SLTM: variants seen among roughly 807,000 people sequenced by gnomAD.
The protein encoded by SLTM is SAFB like transcription modulator.
SLTM carries 43 observed loss-of-function variants against 134.6 expected under a neutral mutation model. That is an observed-to-expected ratio of 0.32 (90% CI 0.25 to 0.41). SLTM has a LOEUF of 0.41. Among genes scored for constraint, SLTM ranks in the 10% least tolerant of loss-of-function variants. The pLI, the probability that SLTM is intolerant of heterozygous loss-of-function variation, is 1.00. For missense variants in SLTM, 1,055 were observed against 1,288.8 expected (o/e 0.82, Z 2.78); for synonymous variants, 424 against 432.3 (o/e 0.98, Z 0.24).
intron 6 of SLTM, 128 bp from the exon 7 acceptor site, chr15:58,900,065 A>G: frequency 2.9e-6 from 2 of 695,092 alleles, no homozygotes; most frequent in Non-Finnish European, 4.7e-6. Flanking sequence ...AGGGAAAAAA[A>G]AAAAAAACAC....
At chr15:58,890,525 T>G in intron 14 of SLTM, 64 bp from the exon 15 acceptor site, 1 of 1,470,642 alleles carries the variant, frequency 6.8e-7, no homozygotes. Flanking sequence ...GAGAATAGCT[T>G]TGAATTTGAA....
At chr15:58,891,308 C>T (rs912478532) in intron 14 of SLTM, among the ~76,000 whole-genome samples, 1 of 152,130 alleles carries the variant, frequency 6.6e-6, no homozygotes, top group Non-Finnish European at 1.5e-5. Flanking sequence ...CAACAAGAAC[C>T]ATCCAACACC....
intron 2 of SLTM, among the ~76,000 whole-genome samples, chr15:58,917,633 G>C (rs1046784695): frequency 6.6e-6 from 1 of 152,192 alleles, no homozygotes; most frequent in Non-Finnish European, 1.5e-5. Context: ...ACTGATTTAA[G>C]GCATGCAGAA....
At chr15:58,890,940 A>G in intron 14 of SLTM, among the ~76,000 whole-genome samples, 1 of 152,228 alleles carries the variant, frequency 6.6e-6, no homozygotes, top group South Asian at 2.1e-4. Context: ...ACTACATATA[A>G]CAAAATGGTG....
intron 3 of SLTM, among the ~76,000 whole-genome samples, chr15:58,916,321 G>A (rs2036647458): frequency 6.6e-6 from 1 of 152,096 alleles, no homozygotes; most frequent in African/African-American, 2.4e-5. Flanking sequence ...TTACAGGCAT[G>A]CGCCACCACA....
chr15:58,886,267 ATTTTT>A (rs1176538612), intron 19 of SLTM, among the ~76,000 whole-genome samples: 1 of 54,876 alleles, frequency 1.8e-5, no homozygotes, highest in Admixed American at 1.9e-4. Flanking sequence ...GTGTGTGTGT[ATTTTT>A]TTTTTTTTTT....
intron 5 of SLTM, among the ~76,000 whole-genome samples, chr15:58,906,748 TA>T (rs1385525667): frequency 6.6e-6 from 1 of 152,194 alleles, no homozygotes; most frequent in African/African-American, 2.4e-5. Context: ...GGCACATAAG[TA>T]CTCAAAAAAT....
rs867900599 is a variant in SLTM, at chr15:58,886,251, G to A, written c.2835+724C>T. Among the ~76,000 whole-genome samples the A allele has an allele frequency of 1.8e-4, 23 of 131,120 alleles. 1 individual carries two copies. The highest frequency in any genetic ancestry group is 3.4e-4 in the African/African-American group (11 of 32,520). The allele number at this position is 131,120 out of a possible 152,430, so 86.0% of individuals were successfully genotyped here. On this transcript the variant is annotated intron_variant, in intron 19 of 20. Transcript: ENST00000380516. ...TGTGTGTGTGTGTGTGTGTGTGTGT[G>A]TGTGTGTGTGTGTGTATTTTTTTTT...
chr15:58,897,012 G>A (rs2035129982), intron 9 of SLTM, 103 bp downstream of exon 9: 1 of 726,354 alleles, frequency 1.4e-6, no homozygotes, highest in Non-Finnish European at 2.4e-6. Context: ...AGTCCTAAGA[G>A]ATACAATAAA....
intron 2 of SLTM, chr15:58,921,479 G>A (rs11630160): frequency 0.21 from 52,679 of 252,284 alleles, 6,633 homozygotes; most frequent in South Asian, 0.4. Flanking sequence ...GGCAACAAGA[G>A]GCAGCACTGG....
Position 58,933,649 on chromosome 15 carries a change from GC to G in SLTM, c.-85del. On this transcript the variant is annotated 5_prime_UTR_variant, in exon 1 of 21. Coordinates refer to ENST00000380516, the MANE Select transcript of SLTM (RefSeq NM_024755.4). ...GCCAACTTCCACCCAGGCCTCGGCG[GC>G]CGCCGGCGCCGCGCAGCGCTGCGCA... The G allele has an allele frequency of 7.3e-7, 1 of 1,372,826 alleles. No homozygotes were observed. The highest frequency in any genetic ancestry group is 3.1e-5 in the East Asian group (1 of 32,614). 85.0% of individuals were successfully genotyped at this position (1,372,826 alleles called of 1,614,324 possible). A position where few individuals can be genotyped will look rare whatever the true frequency, so the allele number is the denominator to read the frequency against.
intron 5 of SLTM, among the ~76,000 whole-genome samples, chr15:58,911,664 G>A (rs2036275232): frequency 6.6e-6 from 1 of 152,098 alleles, no homozygotes; most frequent in African/African-American, 2.4e-5. Flanking sequence ...AAAAGACAAT[G>A]GATAATTTTT....
chr15:58,880,010 G>A lies in SLTM; in HGVS notation c.3094C>T (p.Arg1032Ter), dbSNP rs1231962572. 2.5e-6 allele frequency: 4 copies of A among 1,613,470 alleles called. No individual in the cohort carries two copies. The highest frequency in any genetic ancestry group is 1.3e-5 in the African/African-American group (1 of 74,880). The part of the protein sequence containing the change: ...GFKPFKGGPP[R>*]RF Reference sequence around the variant, plus strand: ...CAGAGAGCTCATTTTCAGAATCGTCGCGGAGGTCCACCCTTAAATGGCTTA... The same window carrying A: ...CAGAGAGCTCATTTTCAGAATCGTCACGGAGGTCCACCCTTAAATGGCTTA... Residue 1032 changes from arginine (R) to a stop codon, truncating the protein, a stop_gained, in exon 21 of 21, where the codon CGA (arginine) becomes TGA (stop). Transcript: ENST00000380516. LOFTEE classifies it high-confidence loss of function.
At chr15:58,926,126 T>C (rs531145200) in intron 2 of SLTM, among the ~76,000 whole-genome samples, 2 of 152,260 alleles carry the variant, frequency 1.3e-5, no homozygotes, top group African/African-American at 2.4e-5. Context: ...ACCAACTCTA[T>C]GGGGAGTGAA....
chr15:58,882,333 AAGG>A (rs1197633547), intron 20 of SLTM, among the ~76,000 whole-genome samples: 24 of 152,290 alleles, frequency 1.6e-4, no homozygotes, highest in Non-Finnish European at 2.8e-4. Context: ...AGGTTTGAAA[AAGG>A]AGAGGAATGA....
chr15:58,927,598 G>C (rs2037570525), intron 2 of SLTM, among the ~76,000 whole-genome samples: 1 of 152,094 alleles, frequency 6.6e-6, no homozygotes, highest in Admixed American at 6.6e-5. Flanking sequence ...AAGCAGTTAA[G>C]AAAGCCCCAA....
intron 15 of SLTM, 101 bp from the exon 16 acceptor site, chr15:58,889,655 T>A: frequency 6.8e-7 from 1 of 1,472,270 alleles, no homozygotes; most frequent in Non-Finnish European, 9.2e-7. Context: ...GAAACCATCA[T>A]AAGCAAAGAC....
At chr15:58,910,956 G>A (rs2036228927) in intron 5 of SLTM, among the ~76,000 whole-genome samples, 1 of 151,892 alleles carries the variant, frequency 6.6e-6, no homozygotes, top group Non-Finnish European at 1.5e-5. Flanking sequence ...ATATTGGCCA[G>A]GCTTGTCTCC....
At chr15:58,884,025 G>A (rs1006820114) in intron 19 of SLTM, among the ~76,000 whole-genome samples, 11 of 151,674 alleles carry the variant, frequency 7.3e-5, no homozygotes, top group African/African-American at 2.4e-4. Context: ...CTTGAACCCG[G>A]GAGGCAGAGG....
Sources: gnomAD v4.1 joint callset for allele counts (sites outside exome capture counted in the v4.1 genomes callset) on GRCh38, gnomAD v4.1.1 for gene constraint, MANE v1.5 for transcripts, NCBI Gene and HGNC (gene_info 2026-07-23, HGNC 2026-07-21) for gene names.